The following CDH8 variants were observed in gnomAD, a reference collection of about 807,000 sequenced individuals.
CDH8 encodes the protein cadherin-8.
A neutral mutation model predicts 68.1 loss-of-function variants in CDH8; 17 were observed. The observed-to-expected ratio is 0.25, with a 90% CI of 0.17 to 0.37. CDH8 has a LOEUF of 0.37. Ranked by LOEUF, CDH8 falls within the 10% of genes least tolerant of loss-of-function variation. The probability of loss-of-function intolerance (pLI) is 1.00; values close to 1 mark genes in which losing one functional copy is unlikely to be tolerated. For missense variants in CDH8, 763 were observed against 999.3 expected (o/e 0.76, Z 3.19); for synonymous variants, 372 against 365.1 (o/e 1.02, Z -0.21).
At chr16:61,727,338 G>T in intron 8 of CDH8, 123 bp from the exon 9 acceptor site, 1 of 975,800 alleles carries the variant, frequency 1.0e-6, no homozygotes, top group Non-Finnish European at 1.5e-6. Context: ...TTTCAACATG[G>T]TGATTATAGA....
At chr16:61,749,115 A>G (rs544126942) in intron 8 of CDH8, among the ~76,000 whole-genome samples, 46 of 152,188 alleles carry the variant, frequency 3.0e-4, no homozygotes, top group African/African-American at 1.1e-3. Flanking sequence ...AATAAAACGT[A>G]CACAGATTTT....
At chr16:61,901,060 T>C in intron 3 of CDH8, 119 bp downstream of exon 3, 1 of 945,574 alleles carries the variant, frequency 1.1e-6, no homozygotes, top group Admixed American at 2.5e-5. Flanking sequence ...GATTTGGAAA[T>C]GCAAATTAGA....
intron 2 of CDH8, among the ~76,000 whole-genome samples, chr16:61,944,267 G>A (rs921289612): frequency 6.6e-6 from 1 of 152,228 alleles, no homozygotes; most frequent in Admixed American, 6.5e-5. Flanking sequence ...CAAAGTGACA[G>A]GAAATGAGTT....
chr16:61,817,401 G>A, intron 7 of CDH8, 78 bp downstream of exon 7: 1 of 1,418,706 alleles, frequency 7.0e-7, no homozygotes. Flanking sequence ...GAGCCCCACA[G>A]AAGGTACAAG....
chr16:61,858,965 A>G (rs535017568), intron 3 of CDH8, among the ~76,000 whole-genome samples: 2 of 152,302 alleles, frequency 1.3e-5, no homozygotes, highest in African/African-American at 4.8e-5. Flanking sequence ...GAAAAGCAGC[A>G]TACCTCAGTG....
chr16:61,898,783 T>G (rs1346667905), intron 3 of CDH8, among the ~76,000 whole-genome samples: 1 of 152,142 alleles, frequency 6.6e-6, no homozygotes. Context: ...TGAGGCTTAA[T>G]GAGTAAAAAC....
chr16:61,761,942 A>C (rs760315446), intron 8 of CDH8, among the ~76,000 whole-genome samples: 5 of 152,132 alleles, frequency 3.3e-5, no homozygotes, highest in Non-Finnish European at 5.9e-5. Context: ...TTGAGGCTAC[A>C]GTGAGCTGAG....
intron 3 of CDH8, among the ~76,000 whole-genome samples, chr16:61,893,973 T>C (rs1963825814): frequency 6.6e-6 from 1 of 152,130 alleles, no homozygotes; most frequent in Admixed American, 6.6e-5. Flanking sequence ...CCAAGAAACT[T>C]CAATGGATGT....
At chr16:61,740,422 A>G (rs1283642612) in intron 8 of CDH8, among the ~76,000 whole-genome samples, 1 of 152,106 alleles carries the variant, frequency 6.6e-6, no homozygotes, top group African/African-American at 2.4e-5. Flanking sequence ...GTAAGCCATG[A>G]GAATGAAAAG....
At chr16:61,991,567 A>T (rs981496690) in intron 2 of CDH8, among the ~76,000 whole-genome samples, 2 of 152,220 alleles carry the variant, frequency 1.3e-5, no homozygotes, top group African/African-American at 4.8e-5. Flanking sequence ...ATACATCGTC[A>T]TCTACTTTAC....
At chr16:61,738,335 C>T (rs1959762465) in intron 8 of CDH8, among the ~76,000 whole-genome samples, 1 of 152,106 alleles carries the variant, frequency 6.6e-6, no homozygotes, top group South Asian at 2.1e-4. Context: ...CTTCAGTGAA[C>T]CTGGAAATAG....
intron 2 of CDH8, among the ~76,000 whole-genome samples, chr16:61,933,691 T>C (rs1597075209): frequency 6.6e-6 from 1 of 152,104 alleles, no homozygotes; most frequent in Non-Finnish European, 1.5e-5. Context: ...TATGTGCCTG[T>C]TTTTTTCTTT....
intron 2 of CDH8, among the ~76,000 whole-genome samples, chr16:61,990,549 G>A (rs148658457): frequency 8.6e-5 from 13 of 152,042 alleles, no homozygotes; most frequent in African/African-American, 2.7e-4. Flanking sequence ...ACAGTGGCTC[G>A]TACCTGTAAT....
intron 7 of CDH8, among the ~76,000 whole-genome samples, chr16:61,793,000 T>G (rs1447939667): frequency 6.6e-6 from 1 of 151,896 alleles, no homozygotes; most frequent in Non-Finnish European, 1.5e-5. Flanking sequence ...ATATCCTAAC[T>G]CCCAAGGTGA....
At chr16:61,852,873 C>CCTTCCTTCCATT (rs1962966053) in intron 4 of CDH8, among the ~76,000 whole-genome samples, 2 of 135,128 alleles carry the variant, frequency 1.5e-5, no homozygotes, top group African/African-American at 6.3e-5. Context: ...TTCCTTCCTT[C>CCTTCCTTCCATT]CTTCCTTCCT....
rs553236790 is a variant in CDH8, at chr16:61,765,905, C to G, written c.1414+23441G>C. On this transcript the variant is annotated intron_variant, in intron 8 of 11. Coordinates refer to ENST00000577390, the MANE Select transcript of CDH8 (RefSeq NM_001796.5). ...TGATATAGAAAGAAAGATCTGTGAA[C>G]ACTTTAATTCCACCAGGTGCTAGCT... Among the ~76,000 whole-genome samples, 14 of 152,134 alleles carry G rather than the reference C, an allele frequency of 9.2e-5. No homozygotes were observed. In the East Asian group the frequency reaches 2.7e-3, roughly 29 times the overall value.
chr16:62,007,298 T>G (rs946239689), intron 2 of CDH8, among the ~76,000 whole-genome samples: 8 of 152,242 alleles, frequency 5.3e-5, no homozygotes, highest in African/African-American at 1.9e-4. Context: ...TCTTCTAAGC[T>G]GATGTCATAG....
chr16:61,667,378 A>C (rs1305914120), intron 10 of CDH8: 1 of 152,066 alleles, frequency 6.6e-6, no homozygotes, highest in Non-Finnish European at 1.5e-5. Context: ...ATGTTTACCC[A>C]ACAATTTACA....
chr16:61,880,485 C>CATTA, intron 3 of CDH8, among the ~76,000 whole-genome samples: 1 of 152,234 alleles, frequency 6.6e-6, no homozygotes, highest in East Asian at 1.9e-4. Context: ...CACTGAAGCT[C>CATTA]ATTAAGCTGG....
Sources: allele counts gnomAD v4.1 joint callset (sites outside exome capture counted in the v4.1 genomes callset), GRCh38; gene constraint gnomAD v4.1.1; transcripts MANE v1.5; gene names NCBI Gene and HGNC (gene_info 2026-07-23, HGNC 2026-07-21).